Variants in RBFOX1 observed in about 807,000 individuals in gnomAD.
The protein encoded by RBFOX1 is RNA binding protein fox-1 homolog 1.
A neutral mutation model predicts 57.7 loss-of-function variants in RBFOX1; 8 were observed. That is an observed-to-expected ratio of 0.14 (90% CI 0.08 to 0.25). The LOEUF (loss-of-function observed/expected upper bound fraction) is 0.25, where lower values mean the gene tolerates loss of function less well. RBFOX1 is among the 10% of genes least tolerant of loss of function. The pLI, the probability that RBFOX1 is intolerant of heterozygous loss-of-function variation, is 1.00. For synonymous variants in RBFOX1, 326 were observed against 222.4 expected (o/e 1.47, Z -4.15); for missense variants, 611 against 548.5 (o/e 1.11, Z -1.14).
At chr16:6,153,510 C>G (rs2096815332) in intron 1 of RBFOX1, among the ~76,000 whole-genome samples, 2 of 152,006 alleles carry the variant, frequency 1.3e-5, no homozygotes, top group Non-Finnish European at 1.5e-5. Context: ...CCACTCCTTC[C>G]TCCAAGTTCC....
At chr16:7,125,773 A>C (rs924208671) in intron 4 of RBFOX1, among the ~76,000 whole-genome samples, 1 of 152,126 alleles carries the variant, frequency 6.6e-6, no homozygotes, top group Admixed American at 6.6e-5. Context: ...ATATGACTGC[A>C]AACGATTAAG....
intron 4 of RBFOX1, among the ~76,000 whole-genome samples, chr16:7,074,667 TA>T (rs1386709328): frequency 6.6e-6 from 1 of 152,138 alleles, no homozygotes; most frequent in African/African-American, 2.4e-5. Context: ...TTTTAAGGAA[TA>T]AAAGCTAAGA....
chr16:7,418,618 C>T lies in RBFOX1; in HGVS notation c.28-99529C>T, dbSNP rs113213999. 3.4e-3 allele frequency among the ~76,000 whole-genome samples: 524 copies of T among 152,258 alleles called. 2 individuals carry two copies. The highest frequency in any genetic ancestry group is 0.012 in the African/African-American group (506 of 41,548). On this transcript the variant is annotated intron_variant, in intron 4 of 15. Coordinates refer to ENST00000550418, the MANE Select transcript of RBFOX1 (RefSeq NM_018723.4). ...CAATATTTGGCTGAACTGTTCGTTG[C>T]CACAGAGTATTATTAGATTAGATTG... is the stretch of plus-strand genomic sequence containing the variant.
chr16:6,634,088 CAT>C (rs1419019303), intron 2 of RBFOX1, among the ~76,000 whole-genome samples: 1 of 96,942 alleles, frequency 1.0e-5, no homozygotes, highest in Non-Finnish European at 2.4e-5. Context: ...TACACACACA[CAT>C]ACACATACAC....
intron 1 of RBFOX1, among the ~76,000 whole-genome samples, chr16:6,248,941 C>G (rs540622398): frequency 6.6e-6 from 1 of 152,278 alleles, no homozygotes; most frequent in East Asian, 1.9e-4. Flanking sequence ...TGGGTGCTTT[C>G]TATGTACGAG....
chr16:7,499,289 T>G (rs1217722861), intron 4 of RBFOX1, among the ~76,000 whole-genome samples: 1 of 152,194 alleles, frequency 6.6e-6, no homozygotes, highest in Non-Finnish European at 1.5e-5. Context: ...CATCTTCAGA[T>G]GGTATGCATA....
intron 4 of RBFOX1, among the ~76,000 whole-genome samples, chr16:7,493,294 T>A (rs897249689): frequency 6.6e-6 from 1 of 152,202 alleles, no homozygotes; most frequent in African/African-American, 2.4e-5. Flanking sequence ...GGCTAGAGTT[T>A]CCTGTGTTAG....
chr16:6,099,007 G>T (rs2096275823), intron 1 of RBFOX1, among the ~76,000 whole-genome samples: 2 of 152,314 alleles, frequency 1.3e-5, no homozygotes. Flanking sequence ...CAGAGGATGG[G>T]CTGGGTAGTC....
intron 1 of RBFOX1, among the ~76,000 whole-genome samples, chr16:6,127,739 C>T (rs1386091): frequency 0.19 from 28,193 of 152,026 alleles, 3,320 homozygotes; most frequent in African/African-American, 0.32. Context: ...TTCAACACTC[C>T]GGGAAAAATG....
intron 3 of RBFOX1, among the ~76,000 whole-genome samples, chr16:6,753,424 A>G (rs4786926): frequency 0.22 from 33,745 of 152,156 alleles, 3,842 homozygotes; most frequent in East Asian, 0.35. Flanking sequence ...ATTAATATCT[A>G]TTCTTTTATT....
At position 5,697,535 on chromosome 16, in the gene RBFOX1, C is replaced by CTTT. The variant is rs35569754; in HGVS notation, c.318+98588_318+98590dup. The stretch of plus-strand genomic sequence containing the variant: ...GTGGGCTTTTCTTTTCTTTTCTATT[C>CTTT]TTTTTTTTTTTTTTTTGAGATAGAG... On this transcript the variant is annotated intron_variant, in intron 3 of 19. Coordinates refer to the RBFOX1 transcript ENST00000641259. Among the ~76,000 whole-genome samples, 800 of 138,788 alleles carry CTTT rather than the reference C, an allele frequency of 5.8e-3. 14 individuals carry two copies. Among genetic ancestry groups the CTTT allele is most frequent in the African/African-American group, 0.021 (773 of 37,296 alleles). 91.1% of individuals were successfully genotyped at this position (138,788 alleles called of 152,430 possible). A position where few individuals can be genotyped will look rare whatever the true frequency, so the allele number is the denominator to read the frequency against.
chr16:7,082,920 A>G (rs541249542), intron 4 of RBFOX1, among the ~76,000 whole-genome samples: 231 of 152,310 alleles, frequency 1.5e-3, no homozygotes, highest in African/African-American at 5.1e-3. Context: ...TGACAACAAG[A>G]GTTGTAAATG....
At chr16:5,706,951 G>A (rs1296175067) in intron 3 of RBFOX1, among the ~76,000 whole-genome samples, 3 of 152,084 alleles carry the variant, frequency 2.0e-5, no homozygotes, top group African/African-American at 4.8e-5. Context: ...TACACAGTCC[G>A]TTTTCAGCAG....
intron 4 of RBFOX1, among the ~76,000 whole-genome samples, chr16:5,871,385 G>T (rs976352409): frequency 1.1e-4 from 16 of 152,188 alleles, no homozygotes; most frequent in African/African-American, 3.4e-4. Context: ...CATGATGAAT[G>T]GAATGCAAGT....
At chr16:5,338,214 C>G (rs1241926461) in intron 1 of RBFOX1, among the ~76,000 whole-genome samples, 1 of 152,124 alleles carries the variant, frequency 6.6e-6, no homozygotes, top group African/African-American at 2.4e-5. Flanking sequence ...CATATGGATG[C>G]CTTGGGAGCC....
intron 4 of RBFOX1, among the ~76,000 whole-genome samples, chr16:5,879,010 C>G (rs36037794): frequency 0.049 from 7,390 of 152,232 alleles, 280 homozygotes; most frequent in East Asian, 0.17. Flanking sequence ...TGCCCTGGTA[C>G]TGTCTTCAGC....
chr16:7,462,644 G>C (rs1225649142), intron 4 of RBFOX1, among the ~76,000 whole-genome samples: 1 of 152,198 alleles, frequency 6.6e-6, no homozygotes, highest in East Asian at 1.9e-4. Flanking sequence ...TTTCTTACTA[G>C]GGGTTGTGAG....
At chr16:5,822,860 G>A (rs1473124240) in intron 3 of RBFOX1, among the ~76,000 whole-genome samples, 2 of 152,192 alleles carry the variant, frequency 1.3e-5, no homozygotes, top group Admixed American at 6.5e-5. Flanking sequence ...GACCTTGAGT[G>A]TGTTGCTTAA....
intron 3 of RBFOX1, among the ~76,000 whole-genome samples, chr16:6,693,692 C>T (rs1048903768): frequency 1.3e-5 from 2 of 151,646 alleles, no homozygotes; most frequent in Non-Finnish European, 2.9e-5. Context: ...CCACCATCAT[C>T]ATCACCATCA....
Sources: allele counts gnomAD v4.1 joint callset (sites outside exome capture counted in the v4.1 genomes callset), GRCh38; gene constraint gnomAD v4.1.1; transcripts MANE v1.5; gene names NCBI Gene and HGNC (gene_info 2026-07-23, HGNC 2026-07-21).